The following GPD2 variants were observed in gnomAD, a reference collection of about 807,000 sequenced individuals.
GPD2 encodes the protein glycerol-3-phosphate dehydrogenase 2, also known as glycerol-3-phosphate dehydrogenase, mitochondrial.
GPD2 carries 54 observed loss-of-function variants against 82.4 expected under a neutral mutation model. That is an observed-to-expected ratio of 0.66 (90% CI 0.53 to 0.82). The LOEUF is 0.82. Ranked by LOEUF, GPD2 falls within the 40% of genes least tolerant of loss-of-function variation. The pLI is 0.00. For synonymous variants in GPD2, 288 were observed against 306.1 expected, an observed-to-expected ratio of 0.94 and a Z score of 0.62; for missense variants, 748 against 896.2, an observed-to-expected ratio of 0.83 and a Z score of 2.11.
chr2:156,527,829 AT>A (rs1031005428), intron 6 of GPD2, among the ~76,000 whole-genome samples: 1 of 152,018 alleles, frequency 6.6e-6, no homozygotes, highest in Non-Finnish European at 1.5e-5. Flanking sequence ...GGAATTTTAA[AT>A]TTTCTTAGTT....
At chr2:156,402,085 C>G in the GPD2 span, among the ~76,000 whole-genome samples, 1 of 152,218 alleles carries the variant, frequency 6.6e-6, no homozygotes, top group African/African-American at 2.4e-5. Flanking sequence ...ACATGGACTT[C>G]AACCCCGTGA....
chr2:156,523,879 T>G (rs1685510918), intron 6 of GPD2, among the ~76,000 whole-genome samples: 1 of 152,202 alleles, frequency 6.6e-6, no homozygotes, highest in South Asian at 2.1e-4. Context: ...TCTGGTTATG[T>G]TCACATGTCC....
the GPD2 span, among the ~76,000 whole-genome samples, chr2:156,414,104 T>C: frequency 2.6e-5 from 4 of 152,222 alleles, no homozygotes; most frequent in East Asian, 5.8e-4. Context: ...CACATATCAC[T>C]TGGGGACAAA....
intron 16 of GPD2, among the ~76,000 whole-genome samples, chr2:156,581,935 C>T (rs547369861): frequency 6.6e-6 from 1 of 150,412 alleles, no homozygotes; most frequent in Non-Finnish European, 1.5e-5. Flanking sequence ...ATAGATACAT[C>T]ATATATATAT....
chr2:156,540,350 G>A (rs964971693), intron 6 of GPD2, among the ~76,000 whole-genome samples: 9 of 152,206 alleles, frequency 5.9e-5, no homozygotes, highest in Admixed American at 2.0e-4. Flanking sequence ...TGTTGAGAGC[G>A]TCGGACTGGC....
At chr2:156,471,419 G>A (rs559014675) in intron 1 of GPD2, among the ~76,000 whole-genome samples, 4 of 152,204 alleles carry the variant, frequency 2.6e-5, no homozygotes, top group East Asian at 1.9e-4. Context: ...TCTACTCCCC[G>A]TTGCCAACAG....
chr2:156,534,389 G>A (rs941742942), intron 6 of GPD2, among the ~76,000 whole-genome samples: 2 of 152,210 alleles, frequency 1.3e-5, no homozygotes, highest in Non-Finnish European at 2.9e-5. Context: ...ATGTTTGGGT[G>A]CAAAAACAGG....
At position 156,584,508 on chromosome 2, in the gene GPD2, C is replaced by T. The variant is rs988486725; in HGVS notation, c.*1590C>T. 9 of 152,418 alleles carry T rather than the reference C, an allele frequency of 5.9e-5. No homozygotes were observed. Among genetic ancestry groups the T allele is most frequent in the African/African-American group, 1.9e-4 (8 of 41,404 alleles). The allele number at this position is 152,418 out of a possible 1,614,324, so 9.4% of individuals were successfully genotyped here. A position where few individuals can be genotyped will look rare whatever the true frequency, so the allele number is the denominator to read the frequency against. Reference sequence around the variant, plus strand: ...TAAACACTGGAGGTTCACTCACCTACGCACTCACCCACCACCTCTGAAAGA... The same window carrying T: ...TAAACACTGGAGGTTCACTCACCTATGCACTCACCCACCACCTCTGAAAGA... On this transcript the variant is annotated 3_prime_UTR_variant, in exon 17 of 17. Transcript: ENST00000438166.
At chr2:156,496,485 C>G (rs1480828247) in intron 3 of GPD2, among the ~76,000 whole-genome samples, 1 of 152,010 alleles carries the variant, frequency 6.6e-6, no homozygotes, top group African/African-American at 2.4e-5. Context: ...GTGGATAACA[C>G]TTCATCCTTT....
chr2:156,478,700 C>A (rs568568573), intron 2 of GPD2, among the ~76,000 whole-genome samples: 1 of 152,076 alleles, frequency 6.6e-6, no homozygotes, highest in Non-Finnish European at 1.5e-5. Context: ...CTTTGAGATA[C>A]ATTAATTGGC....
At chr2:156,417,572 T>C in the GPD2 span, among the ~76,000 whole-genome samples, 17 of 152,144 alleles carry the variant, frequency 1.1e-4, no homozygotes, top group Admixed American at 1.1e-3. Flanking sequence ...TGTTAGTTCG[T>C]GAGATGCTTT....
chr2:156,565,463 A>G (rs773720062), intron 9 of GPD2, among the ~76,000 whole-genome samples: 4 of 152,134 alleles, frequency 2.6e-5, no homozygotes, highest in South Asian at 2.1e-4. Context: ...GATTAAATCT[A>G]TTTAAGAGAA....
At chr2:156,424,089 C>T in the GPD2 span, among the ~76,000 whole-genome samples, 2 of 151,870 alleles carry the variant, frequency 1.3e-5, no homozygotes, top group African/African-American at 2.4e-5. Context: ...CTGGAGAGAA[C>T]GTGGCGCAGT....
chr2:156,575,406 T>C (rs1042832714), intron 13 of GPD2, among the ~76,000 whole-genome samples: 1 of 145,880 alleles, frequency 6.9e-6, no homozygotes. Flanking sequence ...TCTTTTCTTT[T>C]TTTTTTTTTT....
chr2:156,411,676 C>T, the GPD2 span, among the ~76,000 whole-genome samples: 6 of 151,982 alleles, frequency 3.9e-5, no homozygotes, highest in Non-Finnish European at 5.9e-5. Context: ...GCAGTTTTTC[C>T]GTTAGCACCA....
chr2:156,565,494 G>A (rs565557867), intron 9 of GPD2, among the ~76,000 whole-genome samples: 11 of 152,112 alleles, frequency 7.2e-5, no homozygotes, highest in Non-Finnish European at 1.5e-4. Flanking sequence ...AGAGGGGGCA[G>A]AGCTAGAGAT....
At chr2:156,415,799 G>GAGCC in the GPD2 span, among the ~76,000 whole-genome samples, 550 of 152,246 alleles carry the variant, frequency 3.6e-3, 4 homozygotes, top group South Asian at 9.5e-3. Context: ...AAGTTGCGGT[G>GAGCC]AGCCAAGATT....
chr2:156,534,037 A>T (rs979391582), intron 6 of GPD2, among the ~76,000 whole-genome samples: 1 of 152,234 alleles, frequency 6.6e-6, no homozygotes, highest in Non-Finnish European at 1.5e-5. Flanking sequence ...GGTATCCAGG[A>T]AGTATCAGGT....
At chr2:156,478,644 G>GC (rs1683606848) in intron 2 of GPD2, among the ~76,000 whole-genome samples, 1 of 152,072 alleles carries the variant, frequency 6.6e-6, no homozygotes, top group African/African-American at 2.4e-5. Context: ...AGCCATTCTA[G>GC]CGGGGGGGAA....
Sources: gnomAD v4.1 joint callset for allele counts (sites outside exome capture counted in the v4.1 genomes callset) on GRCh38, gnomAD v4.1.1 for gene constraint, MANE v1.5 for transcripts, NCBI Gene and HGNC (gene_info 2026-07-23, HGNC 2026-07-21) for gene names.